HIVEP3: variants seen among roughly 807,000 people sequenced by gnomAD.
HIVEP3 encodes the protein transcription factor HIVEP3.
HIVEP3 carries 49 observed loss-of-function variants against 152.8 expected under a neutral mutation model. The ratio of observed to expected loss-of-function variants is 0.32; its 90% CI spans 0.26 to 0.41. The LOEUF is 0.41. Ranked by LOEUF, HIVEP3 falls within the 10% of genes least tolerant of loss-of-function variation. The pLI, the probability that HIVEP3 is intolerant of heterozygous loss-of-function variation, is 1.00. For synonymous variants in HIVEP3, 1,269 were observed against 1,289.0 expected, an observed-to-expected ratio of 0.98 and a Z score of 0.33; for missense variants, 2,790 against 3,103.3, an observed-to-expected ratio of 0.90 and a Z score of 2.40.
chr1:41,646,703 T>C (rs1269884534), intron 2 of HIVEP3, among the ~76,000 whole-genome samples: 1 of 152,236 alleles, frequency 6.6e-6, no homozygotes, highest in Non-Finnish European at 1.5e-5. Flanking sequence ...AAGGACCTCT[T>C]CCCCATCATG....
At chr1:41,832,347 G>T (rs142542981) in intron 1 of HIVEP3, among the ~76,000 whole-genome samples, 1 of 152,226 alleles carries the variant, frequency 6.6e-6, no homozygotes, top group East Asian at 1.9e-4. Flanking sequence ...GGGCAATGTG[G>T]CAAGACCCTG....
At chr1:41,784,621 C>G (rs940802366) in intron 1 of HIVEP3, among the ~76,000 whole-genome samples, 1 of 152,170 alleles carries the variant, frequency 6.6e-6, no homozygotes, top group Non-Finnish European at 1.5e-5. Context: ...AGCAACACCC[C>G]AAACTGTGAG....
At chr1:41,819,036 A>C (rs1255835547) in intron 1 of HIVEP3, among the ~76,000 whole-genome samples, 1 of 152,218 alleles carries the variant, frequency 6.6e-6, no homozygotes, top group Non-Finnish European at 1.5e-5. Context: ...CATTTTAAAG[A>C]GATGCATTTA....
intron 3 of HIVEP3, among the ~76,000 whole-genome samples, chr1:41,627,535 T>G (rs1222077011): frequency 1.3e-5 from 2 of 152,148 alleles, no homozygotes; most frequent in African/African-American, 4.8e-5. Flanking sequence ...GCCCAAGCTG[T>G]CATACTGTGG....
chr1:41,552,804 A>G (rs2149082432), intron 5 of HIVEP3, among the ~76,000 whole-genome samples: 1 of 152,292 alleles, frequency 6.6e-6, no homozygotes, highest in South Asian at 2.1e-4. Context: ...TAGAATGGCA[A>G]TCATTGAGTG....
At chr1:41,705,716 C>G (rs1001901865) in intron 1 of HIVEP3, among the ~76,000 whole-genome samples, 1 of 152,206 alleles carries the variant, frequency 6.6e-6, no homozygotes, top group Non-Finnish European at 1.5e-5. Flanking sequence ...AAGGCAACTT[C>G]AGAGCGTGCA....
intron 1 of HIVEP3, among the ~76,000 whole-genome samples, chr1:41,721,990 C>T (rs930830544): frequency 1.3e-5 from 2 of 152,186 alleles, no homozygotes; most frequent in Non-Finnish European, 2.9e-5. Flanking sequence ...AATGATGAAG[C>T]TCTCCATCAT....
At chr1:41,938,871 C>T (rs1001689940) in intron 1 of HIVEP3, among the ~76,000 whole-genome samples, 2 of 152,208 alleles carry the variant, frequency 1.3e-5, no homozygotes, top group Admixed American at 6.5e-5. Flanking sequence ...TTGACTTCTG[C>T]ATTGTGGAGC....
At chr1:41,623,943 C>G (rs1325315494) in intron 3 of HIVEP3, among the ~76,000 whole-genome samples, 1 of 152,170 alleles carries the variant, frequency 6.6e-6, no homozygotes, top group Non-Finnish European at 1.5e-5. Context: ...TCTCTGCACA[C>G]ATGTTTACCT....
intron 1 of HIVEP3, among the ~76,000 whole-genome samples, chr1:41,780,033 G>A (rs1029406818): frequency 3.9e-5 from 6 of 152,188 alleles, no homozygotes; most frequent in South Asian, 2.1e-4. Context: ...GACAAATCAC[G>A]GAGAGATTGG....
At position 41,513,323 on chromosome 1, in the gene HIVEP3, T is replaced by A. The variant is rs1397663374; in HGVS notation, c.5898A>T (p.Arg1966Ser). ...CTTCTTTGCTTGGGGACCACGGTCT[T>A]CTTGGGGACACAGGCTTGTAGCTCA... is the stretch of plus-strand genomic sequence containing the variant. ...SALSYKPVSP[R>S]RPWSPSKEAG... The change falls in exon 8 of 9, where the codon AGA becomes AGT. Residue 1966 changes from arginine (R) to serine (S), a missense_variant. Arg to Ser is a moderately radical substitution (Grantham distance 110, BLOSUM62 -1). This residue lies in a region of HIVEP3 where 816 missense variants were observed against 806.5 expected (regional missense o/e 1.01). Transcript: ENST00000372583. The A allele has an allele frequency of 1.2e-6, 2 of 1,612,942 alleles. No homozygotes were observed. Among genetic ancestry groups the A allele is most frequent in the Non-Finnish European group, 8.5e-7 (1 of 1,180,002 alleles).
At chr1:41,646,973 T>A (rs1454794497) in intron 2 of HIVEP3, among the ~76,000 whole-genome samples, 1 of 152,212 alleles carries the variant, frequency 6.6e-6, no homozygotes. Flanking sequence ...CTTTGGCTCA[T>A]GGCCTCCTCA....
chr1:41,931,699 A>C (rs920444836), intron 1 of HIVEP3, among the ~76,000 whole-genome samples: 1 of 151,972 alleles, frequency 6.6e-6, no homozygotes, highest in African/African-American at 2.4e-5. Context: ...TGTTAGATTT[A>C]TATCTAAGAA....
At chr1:41,515,117 G>A (rs1461999291) in intron 7 of HIVEP3, among the ~76,000 whole-genome samples, 1 of 152,250 alleles carries the variant, frequency 6.6e-6, no homozygotes, top group Admixed American at 6.5e-5. Flanking sequence ...GAGCTGGCCA[G>A]CCAGCCCCAT....
At chr1:41,682,629 C>T (rs936354484) in intron 2 of HIVEP3, among the ~76,000 whole-genome samples, 3 of 151,864 alleles carry the variant, frequency 2.0e-5, no homozygotes, top group South Asian at 2.1e-4. Flanking sequence ...GACGCCCAGC[C>T]GGGGACAGGT....
intron 1 of HIVEP3, among the ~76,000 whole-genome samples, chr1:41,951,029 A>G (rs1645103619): frequency 6.6e-6 from 1 of 152,204 alleles, no homozygotes; most frequent in East Asian, 1.9e-4. Flanking sequence ...TTAGAATGCA[A>G]TCCCCTAGTT....
chr1:41,595,763 T>C (rs1006471989), intron 3 of HIVEP3, among the ~76,000 whole-genome samples: 1 of 152,178 alleles, frequency 6.6e-6, no homozygotes, highest in South Asian at 2.1e-4. Flanking sequence ...TAGAAGAACA[T>C]GAAAAGACTA....
intron 2 of HIVEP3, among the ~76,000 whole-genome samples, chr1:41,674,705 T>G (rs1645928388): frequency 6.6e-6 from 1 of 152,190 alleles, no homozygotes; most frequent in African/African-American, 2.4e-5. Context: ...ATCCTCACGC[T>G]GAGATCACAT....
chr1:41,703,976 A>G (rs1244657684), intron 1 of HIVEP3, among the ~76,000 whole-genome samples: 2 of 152,296 alleles, frequency 1.3e-5, no homozygotes, highest in South Asian at 4.1e-4. Context: ...CAGACACTTA[A>G]ATTCAAGTCC....
Sources: allele counts gnomAD v4.1 joint callset (sites outside exome capture counted in the v4.1 genomes callset), GRCh38; gene constraint gnomAD v4.1.1; regional missense constraint gnomAD v4.1.1; transcripts MANE v1.5; gene names NCBI Gene and HGNC (gene_info 2026-07-23, HGNC 2026-07-21).